CHCHD6: variants seen among roughly 807,000 people sequenced by gnomAD.
CHCHD6 encodes the protein MICOS complex subunit MIC25.
CHCHD6 carries 28 observed loss-of-function variants against 32.3 expected under a neutral mutation model. The observed-to-expected ratio is 0.87, with a 90% CI of 0.64 to 1.19. The LOEUF is 1.19. Ranked by LOEUF, CHCHD6 falls within the 50% of genes most tolerant of loss-of-function variation. The pLI, the probability that CHCHD6 is intolerant of heterozygous loss-of-function variation, is 0.00. For missense variants in CHCHD6, 333 were observed against 307.0 expected (o/e 1.08, Z -0.63); for synonymous variants, 122 against 117.5 (o/e 1.04, Z -0.25).
At chr3:126,767,045 A>G in intron 4 of CHCHD6, 1 of 929,418 alleles carries the variant, frequency 1.1e-6, no homozygotes, top group South Asian at 1.4e-5. Context: ...GAAGATGGTC[A>G]CTCAATGGGG....
intron 4 of CHCHD6, among the ~76,000 whole-genome samples, chr3:126,745,953 G>A (rs1401991486): frequency 6.6e-6 from 1 of 152,202 alleles, no homozygotes; most frequent in Non-Finnish European, 1.5e-5. Flanking sequence ...GCAGAGTCAA[G>A]TCACTCCCTG....
intron 7 of CHCHD6, among the ~76,000 whole-genome samples, chr3:126,958,128 G>A (rs1376418895): frequency 6.6e-6 from 1 of 151,568 alleles, no homozygotes; most frequent in African/African-American, 2.4e-5. Flanking sequence ...TGCCTGTGAT[G>A]CGCTCCCAGC....
intron 4 of CHCHD6, among the ~76,000 whole-genome samples, chr3:126,742,242 G>A (rs1233180631): frequency 1.3e-5 from 2 of 152,168 alleles, no homozygotes; most frequent in South Asian, 2.1e-4. Context: ...TTGCAGCAGC[G>A]GTAGCCACAG....
chr3:126,734,690 G>GA (rs1935961657), intron 4 of CHCHD6, among the ~76,000 whole-genome samples: 1 of 152,206 alleles, frequency 6.6e-6, no homozygotes, highest in Non-Finnish European at 1.5e-5. Flanking sequence ...AAAAGATTTG[G>GA]AAATGCAAAT....
chr3:126,954,852 G>C (rs749596648), intron 6 of CHCHD6, among the ~76,000 whole-genome samples: 30 of 152,184 alleles, frequency 2.0e-4, no homozygotes, highest in Non-Finnish European at 3.4e-4. Context: ...TAGGTGACAA[G>C]AGAGAGCCCA....
Position 126,955,883 on chromosome 3 carries a change from A to G in CHCHD6, c.567-1533A>G, listed in dbSNP as rs546827336. On this transcript the variant is annotated intron_variant, in intron 6 of 7. Coordinates refer to ENST00000290913, the MANE Select transcript of CHCHD6 (RefSeq NM_032343.3). The stretch of plus-strand genomic sequence containing the variant: ...GCTCCCTTTGACCTCTGCTGCAGAG[A>G]GGACTGCGCTGCATACAGTGGCCTG... Among the ~76,000 whole-genome samples the G allele has an allele frequency of 2.6e-5, 4 of 152,270 alleles. No individual in the cohort carries two copies. The South Asian group carries it at 8.3e-4, about 32-fold the overall frequency.
chr3:126,927,620 T>G (rs2078343753), intron 6 of CHCHD6, among the ~76,000 whole-genome samples: 1 of 152,200 alleles, frequency 6.6e-6, no homozygotes, highest in East Asian at 1.9e-4. Flanking sequence ...CATTCCCAGC[T>G]CTATTAATGG....
At chr3:126,858,950 C>G (rs1941760140) in intron 5 of CHCHD6, among the ~76,000 whole-genome samples, 1 of 152,190 alleles carries the variant, frequency 6.6e-6, no homozygotes. Flanking sequence ...TTGTCTGTCC[C>G]CCGCTGAGGT....
At chr3:126,855,986 C>G (rs947504128) in intron 5 of CHCHD6, among the ~76,000 whole-genome samples, 3 of 152,172 alleles carry the variant, frequency 2.0e-5, no homozygotes, top group African/African-American at 7.2e-5. Context: ...ACTTAGCACT[C>G]TCCCTAACAG....
chr3:126,770,958 G>T (rs1455657616), intron 4 of CHCHD6, among the ~76,000 whole-genome samples: 2 of 152,106 alleles, frequency 1.3e-5, no homozygotes, highest in Non-Finnish European at 2.9e-5. Context: ...ATTTGGTCTT[G>T]TGCTTTTTTT....
chr3:126,863,542 T>A (rs1445207757), intron 5 of CHCHD6, among the ~76,000 whole-genome samples: 14 of 111,372 alleles, frequency 1.3e-4, no homozygotes, highest in African/African-American at 2.2e-4. Flanking sequence ...CTCCTCCTCC[T>A]CCACCATCAC....
At chr3:126,904,046 T>C (rs909817884) in intron 5 of CHCHD6, among the ~76,000 whole-genome samples, 1 of 152,236 alleles carries the variant, frequency 6.6e-6, no homozygotes, top group Non-Finnish European at 1.5e-5. Flanking sequence ...TCTTTTGCCT[T>C]TAACTGTTGA....
chr3:126,802,654 A>G (rs1024729796), intron 4 of CHCHD6, among the ~76,000 whole-genome samples: 2 of 152,246 alleles, frequency 1.3e-5, no homozygotes, highest in African/African-American at 4.8e-5. Flanking sequence ...GATATTATCC[A>G]GGAGAGCTTC....
intron 6 of CHCHD6, among the ~76,000 whole-genome samples, chr3:126,930,349 T>C (rs1229163454): frequency 6.6e-6 from 1 of 152,206 alleles, no homozygotes; most frequent in Non-Finnish European, 1.5e-5. Context: ...TTCCTTTGTT[T>C]CCCATTCTCG....
chr3:126,877,628 A>G (rs920635728), intron 5 of CHCHD6, among the ~76,000 whole-genome samples: 12 of 152,328 alleles, frequency 7.9e-5, no homozygotes, highest in South Asian at 2.1e-4. Flanking sequence ...ACCTAACTCT[A>G]TATCAGATAC....
chr3:126,800,178 T>A lies in CHCHD6; in HGVS notation c.412-52469T>A, dbSNP rs777930708. Among the ~76,000 whole-genome samples, 61 of 152,170 alleles carry A rather than the reference T, an allele frequency of 4.0e-4. 2 individuals are homozygous for A. Among genetic ancestry groups the A allele is most frequent in the Admixed American group, 3.3e-4 (5 of 15,270 alleles). Reference sequence around the variant, plus strand: ...TTGTGATATATATTATCAGATAAGTTTCTAGGAAAGATAAAACTCAACGAT... The same window carrying A: ...TTGTGATATATATTATCAGATAAGTATCTAGGAAAGATAAAACTCAACGAT... On this transcript the variant is annotated intron_variant, in intron 4 of 7. Transcript: ENST00000290913.
intron 4 of CHCHD6, chr3:126,767,568 G>A: frequency 2.6e-6 from 1 of 381,306 alleles, no homozygotes; most frequent in Admixed American, 4.2e-5. Flanking sequence ...CTTACCCAAA[G>A]CATTTTCTAT....
chr3:126,863,866 TC>T (rs1942097183), intron 5 of CHCHD6, among the ~76,000 whole-genome samples: 1 of 138,366 alleles, frequency 7.2e-6, no homozygotes, highest in African/African-American at 2.7e-5. Flanking sequence ...CACCTCCTCC[TC>T]CTCCACCATC....
intron 4 of CHCHD6, among the ~76,000 whole-genome samples, chr3:126,776,981 T>G (rs1937678048): frequency 6.6e-6 from 1 of 152,142 alleles, no homozygotes; most frequent in Admixed American, 6.5e-5. Context: ...GGTCTTCCTC[T>G]TCATTATTGC....
Sources: gnomAD v4.1 joint callset for allele counts (sites outside exome capture counted in the v4.1 genomes callset) on GRCh38, gnomAD v4.1.1 for gene constraint, MANE v1.5 for transcripts, NCBI Gene and HGNC (gene_info 2026-07-23, HGNC 2026-07-21) for gene names.